The following WDR11 variants were observed in gnomAD, a reference collection of about 807,000 sequenced individuals.
The protein encoded by WDR11 is WD repeat domain 11.
Under a neutral mutation model 151.2 loss-of-function variants are expected in WDR11, and 83 were observed. That is an observed-to-expected ratio of 0.55 (90% CI 0.46 to 0.66). The LOEUF (loss-of-function observed/expected upper bound fraction) is 0.66. Among genes scored for constraint, WDR11 ranks in the 30% least tolerant of loss-of-function variants. The pLI is 0.00. For missense variants in WDR11, 1,301 were observed against 1,480.9 expected (o/e 0.88, Z 1.99); for synonymous variants, 484 against 533.1 (o/e 0.91, Z 1.27).
chr10:120,853,554 C>T (rs1012752812), intron 2 of WDR11, among the ~76,000 whole-genome samples: 3 of 152,084 alleles, frequency 2.0e-5, no homozygotes, highest in South Asian at 2.1e-4. Flanking sequence ...TGTGAGTCAC[C>T]GCGCCCAGCA....
chr10:120,878,403 C>T lies in WDR11; in HGVS notation c.1607C>T (p.Thr536Ile). ...LTSFLSFATS[T>I]PNNMGLVRNE... Reference sequence around the variant, plus strand: ...AGTTTTCTTTCTTTTGCTACCTCAACACCAAACAATATGGGATTAGTGAGA... The same window carrying T: ...AGTTTTCTTTCTTTTGCTACCTCAATACCAAACAATATGGGATTAGTGAGA... The change falls in exon 12 of 29, where the codon ACA (threonine) becomes ATA (isoleucine). Residue 536 changes from threonine (T) to isoleucine (I), a missense_variant. Around this residue, in one of 3 missense-constraint regions of WDR11, gnomAD observed 692 missense variants for 762.5 expected, o/e 0.91. Transcript: ENST00000263461. 1.2e-6 allele frequency: 2 copies of T among 1,613,254 alleles called. No homozygotes were observed. Among genetic ancestry groups the T allele is most frequent in the Non-Finnish European group, 1.7e-6 (2 of 1,179,562 alleles).
chr10:120,865,006 A>G (rs763282853), intron 5 of WDR11, 41 bp from the exon 6 acceptor site: 2 of 1,603,306 alleles, frequency 1.2e-6, no homozygotes, highest in African/African-American at 2.7e-5. Context: ...GGTCTGATAT[A>G]AATGAAGTCT....
At chr10:120,881,644 T>C (rs1847010639) in intron 13 of WDR11, among the ~76,000 whole-genome samples, 2 of 152,152 alleles carry the variant, frequency 1.3e-5, no homozygotes, top group Non-Finnish European at 2.9e-5. Context: ...ATAAATGACA[T>C]TTTTAAATTT....
intron 1 of WDR11, 28 bp downstream of exon 1, chr10:120,851,534 A>T (rs78163411): frequency 1.9e-6 from 3 of 1,599,742 alleles, no homozygotes. Flanking sequence ...CCAGGTCGCC[A>T]GGATCGGCCA....
chr10:120,864,590 G>A lies in WDR11; in HGVS notation c.714-457G>A, dbSNP rs557449933. On this transcript the variant is annotated intron_variant, in intron 5 of 28. Transcript: ENST00000263461. Reference sequence around the variant, plus strand: ...GAAGGCAGCCAAGGGGAAGTTACTTGCCCAAAGCCATACAGATAGTCCAGT... The same window carrying A: ...GAAGGCAGCCAAGGGGAAGTTACTTACCCAAAGCCATACAGATAGTCCAGT... 2.0e-4 allele frequency among the ~76,000 whole-genome samples: 31 copies of A among 152,236 alleles called. No homozygotes were observed. In the South Asian group the frequency reaches 6.0e-3, roughly 30 times the overall value.
At chr10:120,891,742 G>A (rs1847436126) in intron 19 of WDR11, among the ~76,000 whole-genome samples, 1 of 152,192 alleles carries the variant, frequency 6.6e-6, no homozygotes, top group Non-Finnish European at 1.5e-5. Flanking sequence ...TTCACTTTGT[G>A]TTCATGCTTG....
At chr10:120,866,956 A>G in intron 8 of WDR11, 110 bp from the exon 9 acceptor site, 1 of 1,081,868 alleles carries the variant, frequency 9.2e-7, no homozygotes, top group Non-Finnish European at 1.4e-6. Context: ...AGATGAATGA[A>G]TAATATAAAA....
In WDR11 at chr10:120,865,699, C is replaced by T. The variant is rs1413196229; in HGVS notation, c.949C>T (p.Arg317Ter). 9 of 1,610,596 alleles carry T rather than the reference C, an allele frequency of 5.6e-6. No individual in the cohort carries two copies. Among genetic ancestry groups the T allele is most frequent in the Non-Finnish European group, 6.8e-6 (8 of 1,178,964 alleles). The change falls in exon 7 of 29, where the codon CGA (arginine) becomes TGA (stop). Residue 317 changes from arginine (R) to a stop codon, truncating the protein, a stop_gained. Transcript: ENST00000263461. LOFTEE classifies it high-confidence loss of function. ...HENGCITLRV[R>*]RSYNNIFTTS... ...AAATGGTTGTATAACTTTACGTGTT[C>T]GAAGATCTTATAATAACATTTTTAC...
chr10:120,864,633 C>G (rs556460387), intron 5 of WDR11, among the ~76,000 whole-genome samples: 8 of 152,094 alleles, frequency 5.3e-5, no homozygotes, highest in Non-Finnish European at 1.2e-4. Flanking sequence ...GGTCCAGGGG[C>G]CCTAATTACC....
At chr10:120,869,343 G>A (rs79861379) in intron 9 of WDR11, among the ~76,000 whole-genome samples, 1 of 151,868 alleles carries the variant, frequency 6.6e-6, no homozygotes, top group African/African-American at 2.4e-5. Flanking sequence ...TCGATCTCCT[G>A]ACCTCGTGAT....
At chr10:120,868,224 C>T (rs538753936) in intron 9 of WDR11, among the ~76,000 whole-genome samples, 53 of 152,128 alleles carry the variant, frequency 3.5e-4, no homozygotes, top group African/African-American at 6.7e-4. Flanking sequence ...GAGGCCGAGG[C>T]GGGAGGATCA....
intron 2 of WDR11, chr10:120,856,172 T>A (rs1456078332): frequency 6.6e-6 from 1 of 152,242 alleles, no homozygotes; most frequent in Non-Finnish European, 1.5e-5. Context: ...TTGATTCTCT[T>A]AGCTTTTATT....
At chr10:120,854,329 G>A (rs1022039863) in intron 2 of WDR11, among the ~76,000 whole-genome samples, 3 of 152,148 alleles carry the variant, frequency 2.0e-5, no homozygotes, top group Non-Finnish European at 4.4e-5. Flanking sequence ...TGTTTTCATG[G>A]TTCATCTGCG....
chr10:120,908,948 A>G lies in WDR11; in HGVS notation c.*235A>G. ...AATGCTTAAGATTTTGAAAGTACAT[A>G]ATATTTTATACTTTGGGAGAGAGCT... On this transcript the variant is annotated 3_prime_UTR_variant, in exon 29 of 29. Coordinates refer to ENST00000263461, the MANE Select transcript of WDR11 (RefSeq NM_018117.12). 2 of 552,408 alleles carry G rather than the reference A, an allele frequency of 3.6e-6. No individual in the cohort carries two copies. The highest frequency in any genetic ancestry group is 4.2e-5 in the South Asian group (2 of 47,274). 34.2% of individuals were successfully genotyped at this position (552,408 alleles called of 1,614,324 possible).
At chr10:120,904,926 G>C in intron 25 of WDR11, 115 bp downstream of exon 25, 1 of 1,222,482 alleles carries the variant, frequency 8.2e-7, no homozygotes, top group South Asian at 1.3e-5. Flanking sequence ...AAGAAAAATA[G>C]AAAAATTATT....
At position 120,866,608 on chromosome 10, in the gene WDR11, G is replaced by C; in HGVS notation, c.1034G>C (p.Ser345Thr). The change falls in exon 8 of 29, where the codon AGC becomes ACC. Residue 345 changes from serine (S) to threonine (T), a missense_variant. Ser to Thr is a moderately conservative substitution (Grantham distance 58). Coordinates refer to ENST00000263461, the MANE Select transcript of WDR11 (RefSeq NM_018117.12). ...CAGGAGCTTACCTATGATTTACGAA[G>C]CCAGTGTGATGCAATCAGGGTGACA... is the stretch of plus-strand genomic sequence containing the variant. Reference protein sequence around the residue: ...PVQELTYDLRSQCDAIRVTKT... With the variant: ...PVQELTYDLRTQCDAIRVTKT... 6.2e-7 allele frequency: 1 copy of C among 1,614,162 alleles called. No homozygotes were observed. Among genetic ancestry groups the C allele is most frequent in the Non-Finnish European group, 8.5e-7 (1 of 1,180,030 alleles).
At chr10:120,869,137 G>T (rs1197624910) in intron 9 of WDR11, among the ~76,000 whole-genome samples, 1 of 124,718 alleles carries the variant, frequency 8.0e-6, no homozygotes, top group African/African-American at 3.1e-5. Flanking sequence ...TTGAGACGGA[G>T]TCTTGCTCTG....
intron 19 of WDR11, among the ~76,000 whole-genome samples, chr10:120,895,117 G>A (rs1204144440): frequency 6.6e-6 from 1 of 152,154 alleles, no homozygotes; most frequent in Admixed American, 6.6e-5. Context: ...GGATTCTCTT[G>A]TATCTTTTCG....
chr10:120,896,434 CA>C (rs1847617594), intron 19 of WDR11, among the ~76,000 whole-genome samples: 1 of 146,002 alleles, frequency 6.8e-6, no homozygotes, highest in Non-Finnish European at 1.5e-5. Flanking sequence ...TAAAAATACA[CA>C]GTGAAAACAA....
Sources: allele counts gnomAD v4.1 joint callset (sites outside exome capture counted in the v4.1 genomes callset), GRCh38; gene constraint gnomAD v4.1.1; regional missense constraint gnomAD v4.1.1; transcripts MANE v1.5; gene names NCBI Gene and HGNC (gene_info 2026-07-23, HGNC 2026-07-21).